The following NUDT1 variants were observed in gnomAD, a reference collection of about 807,000 sequenced individuals.
NUDT1 encodes oxidized purine nucleoside triphosphate hydrolase.
A neutral mutation model predicts 11.3 loss-of-function variants in NUDT1; 16 were observed. The ratio of observed to expected loss-of-function variants is 1.41; its 90% CI spans 0.96 to 2.15. NUDT1 has a LOEUF of 2.15. NUDT1 is among the 30% of genes most tolerant of loss of function. The probability of loss-of-function intolerance (pLI) is 0.00; values close to 1 mark genes in which losing one functional copy is unlikely to be tolerated. For synonymous variants in NUDT1, 101 were observed against 84.4 expected (o/e 1.20, Z -1.08); for missense variants, 234 against 208.4 (o/e 1.12, Z -0.76).
rs1172805551 is a variant in NUDT1, at chr7:2,244,565, C to G, written c.-10C>G. Reference sequence around the variant, plus strand: ...CTGCCCTCTCACCTTCCTTTCAGAACCCAGGGACCATGGGCGCCTCCAGGC... The same window carrying G: ...CTGCCCTCTCACCTTCCTTTCAGAAGCCAGGGACCATGGGCGCCTCCAGGC... On this transcript the variant is annotated splice_region_variant and 5_prime_UTR_variant, in exon 2 of 4. Transcript: ENST00000356714. 2 of 1,561,890 alleles carry G rather than the reference C, an allele frequency of 1.3e-6. No homozygotes were observed. Among genetic ancestry groups the G allele is most frequent in the African/African-American group, 2.7e-5 (2 of 73,332 alleles).
At chr7:2,250,761 A>C in intron 3 of NUDT1, 68 bp from the exon 4 acceptor site, 1 of 1,605,194 alleles carries the variant, frequency 6.2e-7, no homozygotes, top group Non-Finnish European at 8.5e-7. Flanking sequence ...CCCGGCCAAA[A>C]AAAACATGTT....
chr7:2,242,919 C>G, intron 1 of NUDT1: 7 of 709,636 alleles, frequency 9.9e-6, no homozygotes, highest in Non-Finnish European at 1.6e-5. Context: ...CTTTCTGTAT[C>G]CCTAGGTTTC....
chr7:2,244,884 G>A (rs1286383135), intron 2 of NUDT1, among the ~76,000 whole-genome samples, 158 bp downstream of exon 2: 1 of 152,230 alleles, frequency 6.6e-6, no homozygotes, highest in East Asian at 1.9e-4. Flanking sequence ...ATGAAGAACA[G>A]TCCGCAGCCC....
At position 2,244,567 on chromosome 7, in the gene NUDT1, C is replaced by A; in HGVS notation, c.-8C>A. 1 of 1,564,564 alleles carries A rather than the reference C, an allele frequency of 6.4e-7. No individual in the cohort carries two copies. The highest frequency in any genetic ancestry group is 8.7e-7 in the Non-Finnish European group (1 of 1,153,418). Reference sequence around the variant, plus strand: ...GCCCTCTCACCTTCCTTTCAGAACCCAGGGACCATGGGCGCCTCCAGGCTC... The same window carrying A: ...GCCCTCTCACCTTCCTTTCAGAACCAAGGGACCATGGGCGCCTCCAGGCTC... On this transcript the variant is annotated 5_prime_UTR_variant, in exon 2 of 4. Coordinates refer to ENST00000356714, the MANE Select transcript of NUDT1 (RefSeq NM_002452.4).
intron 1 of NUDT1, chr7:2,242,881 C>CT: frequency 1.4e-6 from 1 of 699,340 alleles, no homozygotes; most frequent in Non-Finnish European, 2.6e-6. Context: ...AGCTGTTAGA[C>CT]TCCCTGCCTT....
intron 2 of NUDT1, among the ~76,000 whole-genome samples, chr7:2,247,452 G>C (rs1011235400): frequency 1.1e-4 from 16 of 152,288 alleles, no homozygotes; most frequent in African/African-American, 3.9e-4. Context: ...TTGGGCTTCA[G>C]GCGCACAGTG....
intron 3 of NUDT1, 29 bp from the exon 4 acceptor site, chr7:2,250,800 C>A (rs1467238764): frequency 1.2e-6 from 2 of 1,613,732 alleles, no homozygotes; most frequent in Non-Finnish European, 1.7e-6. Flanking sequence ...GGTTGCACCT[C>A]AGTGCCTCCT....
chr7:2,247,612 T>C (rs1277357338), intron 2 of NUDT1, among the ~76,000 whole-genome samples: 1 of 152,220 alleles, frequency 6.6e-6, no homozygotes, highest in African/African-American at 2.4e-5. Context: ...TTTTGTTTCA[T>C]GTATTTCTCA....
At chr7:2,243,031 G>C (rs1404043793) in intron 1 of NUDT1, 1 of 717,202 alleles carries the variant, frequency 1.4e-6, no homozygotes, top group Admixed American at 2.0e-5. Context: ...GGAGCCAGAA[G>C]GCAGTTGGAG....
chr7:2,245,330 G>C (rs1045283095), intron 2 of NUDT1, among the ~76,000 whole-genome samples: 2 of 152,174 alleles, frequency 1.3e-5, no homozygotes, highest in African/African-American at 4.8e-5. Context: ...GCCCCCGTTC[G>C]TGTTTTTGTT....
chr7:2,245,838 T>C (rs1315693446), intron 2 of NUDT1, among the ~76,000 whole-genome samples: 1 of 97,508 alleles, frequency 1.0e-5, no homozygotes, highest in Non-Finnish European at 2.4e-5. Context: ...GGCTTGACCC[T>C]TTTTTTTTTT....
intron 2 of NUDT1, 71 bp downstream of exon 2, chr7:2,244,797 A>T: frequency 6.5e-7 from 1 of 1,541,688 alleles, no homozygotes; most frequent in Non-Finnish European, 8.8e-7. Context: ...GTAGGGCCAC[A>T]CCCTTGGTTT....
At chr7:2,243,017 T>TG (rs1186040683) in intron 1 of NUDT1, 1 of 717,228 alleles carries the variant, frequency 1.4e-6, no homozygotes, top group East Asian at 2.7e-5. Context: ...CCTCAGCAGA[T>TG]GGGGGAGCCA....
intron 2 of NUDT1, among the ~76,000 whole-genome samples, chr7:2,246,120 G>T (rs1394524583): frequency 6.6e-6 from 1 of 152,190 alleles, no homozygotes; most frequent in Non-Finnish European, 1.5e-5. Flanking sequence ...AACAGGAAAG[G>T]TGGCCCCGGG....
At chr7:2,242,404 C>T (rs1035084435) in intron 1 of NUDT1, 148 bp downstream of exon 1, 3 of 437,898 alleles carry the variant, frequency 6.9e-6, no homozygotes, top group African/African-American at 4.3e-5. Flanking sequence ...AGAGCAGGGT[C>T]GGGGGCTCGA....
chr7:2,244,319 G>T (rs560056418), intron 1 of NUDT1, among the ~76,000 whole-genome samples: 1 of 152,070 alleles, frequency 6.6e-6, no homozygotes, highest in Non-Finnish European at 1.5e-5. Context: ...AGGTAGCGCC[G>T]GCCTCTGCTC....
At chr7:2,247,209 C>T (rs1339422476) in intron 2 of NUDT1, among the ~76,000 whole-genome samples, 2 of 152,086 alleles carry the variant, frequency 1.3e-5, no homozygotes, top group African/African-American at 4.8e-5. Flanking sequence ...AGCCCGGTCT[C>T]TGGGGAGGCT....
chr7:2,247,824 C>T (rs1212027186), intron 2 of NUDT1, among the ~76,000 whole-genome samples: 3 of 152,240 alleles, frequency 2.0e-5, no homozygotes, highest in South Asian at 2.1e-4. Context: ...CACAATATCC[C>T]ACTGGGAGGT....
intron 1 of NUDT1, 160 bp downstream of exon 1, chr7:2,242,416 G>A: frequency 2.0e-6 from 1 of 504,992 alleles, no homozygotes; most frequent in Non-Finnish European, 3.5e-6. Context: ...GGGGCTCGAG[G>A]GAGACGAGGA....
Sources: allele counts gnomAD v4.1 joint callset (sites outside exome capture counted in the v4.1 genomes callset), GRCh38; gene constraint gnomAD v4.1.1; transcripts MANE v1.5; gene names NCBI Gene and HGNC (gene_info 2026-07-23, HGNC 2026-07-21).